The following NAV3 variants were observed in gnomAD, a reference collection of about 807,000 sequenced individuals.
NAV3 encodes the protein neuron navigator 3.
NAV3 carries 87 observed loss-of-function variants against 244.7 expected under a neutral mutation model. That is an observed-to-expected ratio of 0.36 (90% CI 0.30 to 0.42). The LOEUF (loss-of-function observed/expected upper bound fraction) is 0.42, where lower values mean the gene tolerates loss of function less well. NAV3 is among the 20% of genes least tolerant of loss of function. NAV3 has a pLI of 1.00. For missense variants in NAV3, 2,663 were observed against 2,893.3 expected (o/e 0.92, Z 1.83); for synonymous variants, 1,126 against 1,042.2 (o/e 1.08, Z -1.55).
chr12:77,637,341 A>T (rs1280433600), intron 2 of NAV3, among the ~76,000 whole-genome samples: 3 of 152,162 alleles, frequency 2.0e-5, no homozygotes, highest in African/African-American at 7.2e-5. Context: ...AGTGTTTATT[A>T]TAGTATTAGG....
At chr12:78,136,188 G>A (rs1017118886) in intron 18 of NAV3, among the ~76,000 whole-genome samples, 14 of 152,156 alleles carry the variant, frequency 9.2e-5, no homozygotes, top group Non-Finnish European at 1.2e-4. Context: ...AGCCACTGAC[G>A]GATTCCACAG....
intron 1 of NAV3, among the ~76,000 whole-genome samples, chr12:77,885,839 T>C (rs1883221350): frequency 6.6e-6 from 1 of 152,140 alleles, no homozygotes; most frequent in Non-Finnish European, 1.5e-5. Flanking sequence ...TACCTTCAGT[T>C]CTACCATTCT....
chr12:77,856,743 A>G (rs1332422261), intron 1 of NAV3, among the ~76,000 whole-genome samples: 3 of 152,170 alleles, frequency 2.0e-5, no homozygotes, highest in Non-Finnish European at 1.5e-5. Context: ...CCACATTTCT[A>G]AACAATGTTT....
intron 2 of NAV3, among the ~76,000 whole-genome samples, chr12:77,691,790 T>C (rs569249489): frequency 3.2e-4 from 48 of 151,856 alleles, no homozygotes; most frequent in Non-Finnish European, 5.2e-4. Flanking sequence ...TATTTACATA[T>C]TGAGGCTCAG....
In NAV3 at chr12:78,110,201, C is replaced by T. The variant is rs149250965; in HGVS notation, c.2637-6571C>T. Among the ~76,000 whole-genome samples the T allele has an allele frequency of 1.0e-3, 158 of 151,848 alleles. 3 individuals are homozygous for T. In the East Asian group the frequency reaches 0.024, roughly 23 times the overall value. ...AAAGTGATCCCATTTAAATTAGCTA[C>T]AAAAAATTAAAATACCTGGGAATAA... On this transcript the variant is annotated intron_variant, in intron 12 of 39. Coordinates refer to ENST00000397909, the MANE Select transcript of NAV3 (RefSeq NM_001024383.2).
intron 2 of NAV3, among the ~76,000 whole-genome samples, chr12:77,683,457 T>C (rs1421128669): frequency 1.3e-5 from 2 of 152,128 alleles, no homozygotes; most frequent in East Asian, 3.9e-4. Flanking sequence ...GGTAATATGA[T>C]GGCTCCAGCT....
At chr12:78,185,289 ATATTACTCAGG>A (rs1224741236) in intron 30 of NAV3, among the ~76,000 whole-genome samples, 1 of 151,860 alleles carries the variant, frequency 6.6e-6, no homozygotes, top group African/African-American at 2.4e-5. Context: ...TGGTGACTAA[ATATTACTCAGG>A]TATTACTCAG....
intron 1 of NAV3, among the ~76,000 whole-genome samples, chr12:77,918,254 G>C (rs900382205): frequency 1.3e-5 from 2 of 151,964 alleles, no homozygotes; most frequent in Non-Finnish European, 2.9e-5. Flanking sequence ...CCTCCATTTG[G>C]ACAAGTTTCC....
At chr12:78,164,361 C>G (rs576306446) in intron 23 of NAV3, among the ~76,000 whole-genome samples, 1 of 152,076 alleles carries the variant, frequency 6.6e-6, no homozygotes, top group Admixed American at 6.6e-5. Context: ...CATTTGTTAC[C>G]TCTCTGAAAC....
intron 1 of NAV3, among the ~76,000 whole-genome samples, chr12:77,886,602 G>T (rs896228062): frequency 1.3e-5 from 2 of 152,138 alleles, no homozygotes; most frequent in Non-Finnish European, 2.9e-5. Context: ...CAAGGATGTA[G>T]ATAGAGCCCC....
chr12:78,020,787 T>C (rs1223751241), intron 8 of NAV3, among the ~76,000 whole-genome samples: 1 of 152,066 alleles, frequency 6.6e-6, no homozygotes, highest in Non-Finnish European at 1.5e-5. Context: ...TATTTGTAAA[T>C]ATTCTTAAAG....
chr12:77,724,599 T>G (rs188216211), intron 2 of NAV3, among the ~76,000 whole-genome samples: 1 of 151,954 alleles, frequency 6.6e-6, no homozygotes, highest in East Asian at 1.9e-4. Flanking sequence ...CCTGTTTGAA[T>G]GCTTTGTACT....
chr12:77,624,687 T>C (rs573157995), intron 2 of NAV3, among the ~76,000 whole-genome samples: 1 of 152,278 alleles, frequency 6.6e-6, no homozygotes, highest in Admixed American at 6.5e-5. Flanking sequence ...CTCCAAAGTT[T>C]ATACATTTTC....
chr12:77,708,344 G>A (rs1200143835), intron 2 of NAV3, among the ~76,000 whole-genome samples: 2 of 152,082 alleles, frequency 1.3e-5, no homozygotes, highest in Non-Finnish European at 2.9e-5. Context: ...TTTTTGTCAG[G>A]TTTGTCAAAG....
chr12:77,890,653 G>A (rs1479031), intron 1 of NAV3, among the ~76,000 whole-genome samples: 56,465 of 151,870 alleles, frequency 0.37, 11,142 homozygotes, highest in African/African-American at 0.53. Flanking sequence ...ATTCTTCATC[G>A]AGTAAATGCC....
At chr12:77,593,736 A>T (rs1403601964) in intron 2 of NAV3, among the ~76,000 whole-genome samples, 1 of 151,634 alleles carries the variant, frequency 6.6e-6, no homozygotes, top group Non-Finnish European at 1.5e-5. Flanking sequence ...GGCCTCCCAA[A>T]GTGCTGGGAT....
intron 8 of NAV3, among the ~76,000 whole-genome samples, chr12:78,014,313 G>A (rs1370095088): frequency 6.6e-6 from 1 of 152,106 alleles, no homozygotes; most frequent in East Asian, 1.9e-4. Flanking sequence ...AAGAGGCAAA[G>A]AGAGCAGAAT....
intron 1 of NAV3, among the ~76,000 whole-genome samples, chr12:77,868,755 CA>C (rs35998964): frequency 6.3e-4 from 65 of 103,634 alleles, no homozygotes; most frequent in Admixed American, 7.6e-4. Flanking sequence ...GACTCCATCT[CA>C]AAAAAAAAAA....
chr12:78,211,405 CT>C lies in NAV3; in HGVS notation c.*889del, dbSNP rs1960871395. The C allele has an allele frequency of 6.6e-6, 1 of 152,318 alleles. No homozygotes were observed. Among genetic ancestry groups the C allele is most frequent in the Non-Finnish European group, 1.5e-5 (1 of 67,996 alleles). 9.4% of individuals were successfully genotyped at this position (152,318 alleles called of 1,614,324 possible). A position where few individuals can be genotyped will look rare whatever the true frequency, so the allele number is the denominator to read the frequency against. On this transcript the variant is annotated 3_prime_UTR_variant, in exon 40 of 40. Coordinates refer to ENST00000397909, the MANE Select transcript of NAV3 (RefSeq NM_001024383.2). ...AATCCTAAACCATTGGTAATTTCCA[CT>C]GTCTTTTCATTTACAACCAAGCAAC...
Sources: allele counts gnomAD v4.1 joint callset (sites outside exome capture counted in the v4.1 genomes callset), GRCh38; gene constraint gnomAD v4.1.1; transcripts MANE v1.5; gene names NCBI Gene and HGNC (gene_info 2026-07-23, HGNC 2026-07-21).